The following TTC34 variants were observed in gnomAD, a reference collection of about 807,000 sequenced individuals.
TTC34 encodes tetratricopeptide repeat domain 34, also known as tetratricopeptide repeat protein 34.
TTC34 carries 44 observed loss-of-function variants against 40.7 expected under a neutral mutation model. The ratio of observed to expected loss-of-function variants is 1.08; its 90% CI spans 0.85 to 1.39. The LOEUF (loss-of-function observed/expected upper bound fraction) is 1.39, where lower values mean the gene tolerates loss of function less well. TTC34 is among the 40% of genes most tolerant of loss of function. The pLI is 0.00. For synonymous variants in TTC34, 422 were observed against 398.6 expected, an observed-to-expected ratio of 1.06 and a Z score of -0.70; for missense variants, 884 against 838.0, an observed-to-expected ratio of 1.05 and a Z score of -0.68.
intron 6 of TTC34, among the ~76,000 whole-genome samples, chr1:2,692,623 A>G (rs1163920764): frequency 1.5e-5 from 2 of 135,174 alleles, no homozygotes; most frequent in African/African-American, 6.0e-5. Context: ...CAGCACCCAC[A>G]CCCCCAGGTG....
intron 6 of TTC34, among the ~76,000 whole-genome samples, chr1:2,759,529 G>A (rs1641622182): frequency 2.9e-4 from 44 of 150,374 alleles, no homozygotes; most frequent in African/African-American, 9.1e-4. Flanking sequence ...CCCCAGATGA[G>A]CATCTGACAG....
intron 6 of TTC34, among the ~76,000 whole-genome samples, chr1:2,692,632 T>A (rs1481201272): frequency 1.7e-4 from 20 of 119,018 alleles, no homozygotes; most frequent in South Asian, 8.3e-4. Flanking sequence ...CACCCCCAGG[T>A]GAGCATCTGA....
chr1:2,683,892 C>T (rs1287193010), intron 6 of TTC34, among the ~76,000 whole-genome samples: 3 of 128,558 alleles, frequency 2.3e-5, no homozygotes, highest in Admixed American at 8.0e-5. Context: ...GAGCATCTGA[C>T]AGCCTGGGTC....
At chr1:2,768,382 G>T (rs1641860277) in intron 6 of TTC34, among the ~76,000 whole-genome samples, 1 of 151,998 alleles carries the variant, frequency 6.6e-6, no homozygotes, top group Admixed American at 6.5e-5. Flanking sequence ...CCCACCACAA[G>T]GTGAGCATAT....
chr1:2,659,970 C>T (rs371331965), intron 6 of TTC34, among the ~76,000 whole-genome samples: 54 of 147,688 alleles, frequency 3.7e-4, no homozygotes, highest in African/African-American at 1.3e-3. Flanking sequence ...CCTCTGACAG[C>T]TTGGAACAGC....
intron 2 of TTC34, 143 bp from the exon 3 acceptor site, chr1:2,790,489 G>C (rs897697042): frequency 7.5e-6 from 3 of 397,386 alleles, no homozygotes. Context: ...CAGTCTCCAG[G>C]TGGCCCTGGG....
At chr1:2,683,412 G>A (rs1440536101) in intron 6 of TTC34, among the ~76,000 whole-genome samples, 3 of 128,098 alleles carry the variant, frequency 2.3e-5, no homozygotes, top group Non-Finnish European at 3.3e-5. Context: ...GCATCCGATA[G>A]CCTGGAACAC....
At chr1:2,756,668 C>G (rs1641516610) in intron 6 of TTC34, among the ~76,000 whole-genome samples, 59 of 150,390 alleles carry the variant, frequency 3.9e-4, no homozygotes, top group East Asian at 2.4e-3. Context: ...CACCCACACC[C>G]CCAGGTGAGC....
At chr1:2,677,723 A>T (rs1205950475) in intron 6 of TTC34, among the ~76,000 whole-genome samples, 3 of 150,454 alleles carry the variant, frequency 2.0e-5, no homozygotes, top group South Asian at 2.1e-4. Flanking sequence ...CTGGAACAGC[A>T]CCCTGCACCC....
At chr1:2,695,753 C>T (rs1229048662) in intron 6 of TTC34, among the ~76,000 whole-genome samples, 1 of 151,496 alleles carries the variant, frequency 6.6e-6, no homozygotes, top group African/African-American at 2.4e-5. Context: ...ACAGCACCCA[C>T]ACCCCCAGGT....
chr1:2,768,372 C>T (rs1641859388), intron 6 of TTC34, among the ~76,000 whole-genome samples: 1 of 152,010 alleles, frequency 6.6e-6, no homozygotes, highest in Non-Finnish European at 1.5e-5. Context: ...GAAAACCATG[C>T]CCACCACAAG....
At chr1:2,651,219 A>G (rs979585965) in intron 6 of TTC34, among the ~76,000 whole-genome samples, 3 of 152,080 alleles carry the variant, frequency 2.0e-5, no homozygotes, top group Non-Finnish European at 4.4e-5. Flanking sequence ...GACTGCCTGG[A>G]ACGGCACTCA....
At chr1:2,759,583 G>C in intron 6 of TTC34, among the ~76,000 whole-genome samples, 1 of 152,036 alleles carries the variant, frequency 6.6e-6, no homozygotes, top group Admixed American at 6.6e-5. Flanking sequence ...CGGACAGCCT[G>C]GAACAGCACC....
At chr1:2,784,266 G>A (rs1348226927) in intron 5 of TTC34, among the ~76,000 whole-genome samples, 6 of 152,142 alleles carry the variant, frequency 3.9e-5, no homozygotes, top group Non-Finnish European at 5.9e-5. Flanking sequence ...ATACGTCAGC[G>A]TTTTCTTCTA....
intron 6 of TTC34, among the ~76,000 whole-genome samples, chr1:2,699,362 C>T (rs569587981): frequency 4.1e-4 from 47 of 115,064 alleles, no homozygotes; most frequent in Middle Eastern, 5.2e-3. Context: ...CCTGGAACAG[C>T]ACCGCACACC....
intron 6 of TTC34, among the ~76,000 whole-genome samples, chr1:2,779,448 C>T (rs760399770): frequency 6.6e-5 from 10 of 152,086 alleles, no homozygotes; most frequent in African/African-American, 1.2e-4. Flanking sequence ...CTCAGCCTCC[C>T]GAGTAGCTGG....
intron 4 of TTC34, among the ~76,000 whole-genome samples, chr1:2,786,968 C>A (rs997753845): frequency 6.6e-5 from 10 of 152,172 alleles, no homozygotes; most frequent in Non-Finnish European, 1.0e-4. Flanking sequence ...GGCCTGAATC[C>A]CACCAGAGTG....
intron 6 of TTC34, among the ~76,000 whole-genome samples, chr1:2,677,463 TCTGAACACACGGAGCAGCACCCAC>T (rs1639947772): frequency 1.2e-5 from 1 of 85,120 alleles, no homozygotes; most frequent in African/African-American, 4.5e-5. Context: ...CAGGCGAGCA[TCTGAACACACGGAGCAGCACCCAC>T]ACCCCCAGGC....
intron 6 of TTC34, among the ~76,000 whole-genome samples, chr1:2,674,961 C>A (rs1358517147): frequency 3.1e-5 from 4 of 130,262 alleles, no homozygotes; most frequent in South Asian, 2.5e-4. Flanking sequence ...GCACCCATAG[C>A]CCATGGTGAG....
Sources: gnomAD v4.1 joint callset for allele counts (sites outside exome capture counted in the v4.1 genomes callset) on GRCh38, gnomAD v4.1.1 for gene constraint, MANE v1.5 for transcripts, NCBI Gene and HGNC (gene_info 2026-07-23, HGNC 2026-07-21) for gene names.